The following PAPOLG variants were observed in gnomAD, a reference collection of about 807,000 sequenced individuals.
PAPOLG encodes poly(A) polymerase gamma, also known as PAP-gamma.
Under a neutral mutation model 99.0 loss-of-function variants are expected in PAPOLG, and 40 were observed. The observed-to-expected ratio is 0.40, with a 90% CI of 0.31 to 0.53. PAPOLG has a LOEUF of 0.53. Among genes scored for constraint, PAPOLG ranks in the 20% least tolerant of loss-of-function variants. The pLI, the probability that PAPOLG is intolerant of heterozygous loss-of-function variation, is 0.41. For synonymous variants in PAPOLG, 310 were observed against 299.3 expected, an observed-to-expected ratio of 1.04 and a Z score of -0.37; for missense variants, 675 against 884.1, an observed-to-expected ratio of 0.76 and a Z score of 3.00.
At chr2:60,771,710 T>G in intron 7 of PAPOLG, 80 bp downstream of exon 7, 1 of 1,460,854 alleles carries the variant, frequency 6.8e-7, no homozygotes, top group Non-Finnish European at 9.3e-7. Context: ...AATTGACTAT[T>G]CAGTTTTGGA....
At position 60,786,552 on chromosome 2, in the gene PAPOLG, G is replaced by A. The variant is rs190660242; in HGVS notation, c.1167-395G>A. Among the ~76,000 whole-genome samples the A allele has an allele frequency of 1.7e-4, 25 of 149,062 alleles. No individual in the cohort carries two copies. In the East Asian group the frequency reaches 2.6e-3, roughly 15 times the overall value. ...GGCCTGAAATTTTTTTTTTTGAGAC[G>A]GAGTCTTGCTCTGTTGCCCAGGCTG... On this transcript the variant is annotated intron_variant, in intron 13 of 21. Coordinates refer to ENST00000238714, the MANE Select transcript of PAPOLG (RefSeq NM_022894.4).
At chr2:60,791,202 T>A (rs1299149009) in intron 15 of PAPOLG, among the ~76,000 whole-genome samples, 1 of 152,244 alleles carries the variant, frequency 6.6e-6, no homozygotes. Context: ...AATATATTTA[T>A]TCTATCAACA....
At position 60,787,595 on chromosome 2, in the gene PAPOLG, T is replaced by C. The variant is rs1671403689; in HGVS notation, c.1371T>C (p.Tyr457=). Residue 457 remains tyrosine, a synonymous_variant, in exon 15 of 22, where the codon TAT becomes TAC. Transcript: ENST00000238714. ...AAAGTGTCAACATAGACTTGACATA[T>C]GATATACAGTCATTTACTGATACAG... is the stretch of plus-strand genomic sequence containing the variant. ...NAESVNIDLT[Y]DIQSFTDTVY... is the part of the protein sequence containing the mutation. 11 of 1,613,822 alleles carry C rather than the reference T, an allele frequency of 6.8e-6. No individual in the cohort carries two copies. Among genetic ancestry groups the C allele is most frequent in the Middle Eastern group, 1.6e-4 (1 of 6,084 alleles).
At chr2:60,793,391 C>G (rs1433495419) in intron 17 of PAPOLG, among the ~76,000 whole-genome samples, 1 of 151,420 alleles carries the variant, frequency 6.6e-6, no homozygotes, top group Non-Finnish European at 1.5e-5. Flanking sequence ...GATCCTGTCT[C>G]CACAAAAATA....
Position 60,794,104 on chromosome 2 carries a change from G to A in PAPOLG, c.1902G>A (p.Met634Ile), listed in dbSNP as rs774155438. Residue 634 changes from methionine (M) to isoleucine (I), a missense_variant, in exon 19 of 22, where the codon ATG becomes ATA. Met to Ile is a conservative substitution (Grantham distance 10). This residue lies in a region of PAPOLG where 413 missense variants were observed against 460.5 expected (regional missense o/e 0.90). Transcript: ENST00000238714. ...AGGGACAACCGCATCTGAATGGAAT[G>A]TCAAATATAACTAAGACTGTTACAC... ...PAQGQPHLNGMSNITKTVTPK... is the reference protein window; with the variant it reads ...PAQGQPHLNGISNITKTVTPK... 1.2e-5 allele frequency: 19 copies of A among 1,614,088 alleles called. No individual in the cohort carries two copies. In the South Asian group the frequency reaches 1.9e-4, roughly 16 times the overall value.
rs1349665908 is a variant in PAPOLG at position 60,783,325 on chromosome 2, T to TC, written c.1166+116_1166+117insC. 32 of 84,756 alleles carry TC rather than the reference T, an allele frequency of 3.8e-4. No homozygotes were observed. The South Asian group carries it at 6.2e-3, about 16-fold the overall frequency. The allele number at this position is 84,756 out of a possible 1,614,324, so 5.3% of individuals were successfully genotyped here. A position where few individuals can be genotyped will look rare whatever the true frequency, so the allele number is the denominator to read the frequency against. ...TTGATTTTCAAAATTATTATATCTC[T>TC]TTTTTTTTTTTTTTTTTTTGAGACA... On this transcript the variant is annotated intron_variant, in intron 13 of 21. Transcript: ENST00000238714.
intron 13 of PAPOLG, among the ~76,000 whole-genome samples, chr2:60,784,568 G>T (rs1424099962): frequency 2.0e-5 from 3 of 152,084 alleles, no homozygotes; most frequent in East Asian, 3.9e-4. Context: ...CAGCAATACT[G>T]TTTTATTTTT....
Position 60,797,902 on chromosome 2 carries a change from A to G in PAPOLG, c.*742A>G, listed in dbSNP as rs1243354096. The G allele has an allele frequency of 6.5e-6, 1 of 152,782 alleles. No individual in the cohort carries two copies. Among genetic ancestry groups the G allele is most frequent in the African/African-American group, 2.4e-5 (1 of 41,456 alleles). 9.5% of individuals were successfully genotyped at this position (152,782 alleles called of 1,614,324 possible). Reference sequence around the variant, plus strand: ...AGGCCTTTGAAATGCATCTTTATTAAAAATCAAAATATAACCAGGATACTG... The same window carrying G: ...AGGCCTTTGAAATGCATCTTTATTAGAAATCAAAATATAACCAGGATACTG... On this transcript the variant is annotated 3_prime_UTR_variant, in exon 22 of 22. Coordinates refer to ENST00000238714, the MANE Select transcript of PAPOLG (RefSeq NM_022894.4).
chr2:60,797,357 C>T lies in PAPOLG; in HGVS notation c.*197C>T, dbSNP rs2103834366. On this transcript the variant is annotated 3_prime_UTR_variant, in exon 22 of 22. Coordinates refer to ENST00000238714, the MANE Select transcript of PAPOLG (RefSeq NM_022894.4). ...TGTAGCATTCTCTCACTGATTGCTA[C>T]ATACACTTCTCTGAGGATCACCTGC... 4.9e-6 allele frequency: 3 copies of T among 617,442 alleles called. No individual in the cohort carries two copies. Among genetic ancestry groups the T allele is most frequent in the Non-Finnish European group, 8.4e-6 (3 of 357,402 alleles). 38.2% of individuals were successfully genotyped at this position (617,442 alleles called of 1,614,324 possible). A position where few individuals can be genotyped will look rare whatever the true frequency, so the allele number is the denominator to read the frequency against.
intron 12 of PAPOLG, 46 bp downstream of exon 12, chr2:60,782,816 T>A (rs780107788): frequency 1.1e-5 from 15 of 1,425,612 alleles, no homozygotes; most frequent in Middle Eastern, 1.9e-4. Context: ...TTTTTTTTTT[T>A]AAAGAAGAAT....
intron 3 of PAPOLG, among the ~76,000 whole-genome samples, chr2:60,764,470 G>GC (rs1305365500): frequency 2.0e-5 from 3 of 149,318 alleles, no homozygotes; most frequent in African/African-American, 7.4e-5. Flanking sequence ...GGGCTGGAAT[G>GC]CAGTGGCGCG....
chr2:60,799,309 T>G lies in PAPOLG; in HGVS notation c.*2149T>G, dbSNP rs1433281655. The G allele has an allele frequency of 2.0e-5, 3 of 152,378 alleles. No individual in the cohort carries two copies. The highest frequency in any genetic ancestry group is 7.2e-5 in the African/African-American group (3 of 41,454). The allele number at this position is 152,378 out of a possible 1,614,324, so 9.4% of individuals were successfully genotyped here. Reference sequence around the variant, plus strand: ...GGAAGCAACAAGTCTAACCTTGTACTATAGGATAGGCATTTATTTTAGATT... The same window carrying G: ...GGAAGCAACAAGTCTAACCTTGTACGATAGGATAGGCATTTATTTTAGATT... On this transcript the variant is annotated 3_prime_UTR_variant, in exon 22 of 22. Coordinates refer to ENST00000238714, the MANE Select transcript of PAPOLG (RefSeq NM_022894.4).
Position 60,760,263 on chromosome 2 carries a change from A to G in PAPOLG, c.147A>G (p.Gly49=). ...TAATTGACGCCATGAAACCATTTGG[A>G]GTGTTTGAAGATGAGGAAGAATTGA... is the stretch of plus-strand genomic sequence containing the variant. ...QKLIDAMKPF[G]VFEDEEELNH... The change falls in exon 2 of 22, where the codon GGA becomes GGG. Residue 49 remains glycine, a synonymous_variant. Transcript: ENST00000238714. 6.2e-7 allele frequency: 1 copy of G among 1,613,962 alleles called. No homozygotes were observed. Among genetic ancestry groups the G allele is most frequent in the Non-Finnish European group, 8.5e-7 (1 of 1,179,916 alleles).
chr2:60,768,393 T>C (rs1214322307), intron 3 of PAPOLG, 77 bp from the exon 4 acceptor site: 9 of 1,463,910 alleles, frequency 6.1e-6, no homozygotes, highest in Non-Finnish European at 8.5e-6. Context: ...TGAGCCACCA[T>C]GCCCAGCCAA....
At chr2:60,780,817 A>C in intron 10 of PAPOLG, 38 bp downstream of exon 10, 1 of 1,498,214 alleles carries the variant, frequency 6.7e-7, no homozygotes, top group Non-Finnish European at 9.3e-7. Flanking sequence ...AAAGCTTTTA[A>C]GGAAGAGGAC....
intron 13 of PAPOLG, among the ~76,000 whole-genome samples, chr2:60,783,652 A>G (rs1274890555): frequency 1.3e-5 from 2 of 151,142 alleles, no homozygotes; most frequent in Non-Finnish European, 2.9e-5. Context: ...CTGGGACTAC[A>G]GGTGTGCACT....
Position 60,781,975 on chromosome 2 carries a change from C to T in PAPOLG, c.997C>T (p.Arg333Ter). The T allele has an allele frequency of 1.2e-6, 2 of 1,613,836 alleles. No homozygotes were observed. Among genetic ancestry groups the T allele is most frequent in the Non-Finnish European group, 1.7e-6 (2 of 1,179,802 alleles). Residue 333 changes from arginine to a stop codon, truncating the protein, a stop_gained, in exon 11 of 22, where the codon CGA becomes TGA. Transcript: ENST00000238714. LOFTEE classifies it high-confidence loss of function. ...TACGTATAATGTGTCCACATCAACT[C>T]GAACAGTAATGGTAGAAGAATTTAA... The part of the protein sequence containing the change: ...NSTYNVSTST[R>*]TVMVEEFKQG...
chr2:60,779,921 C>A, intron 9 of PAPOLG, 146 bp downstream of exon 9: 1 of 681,428 alleles, frequency 1.5e-6, no homozygotes, highest in Non-Finnish European at 2.3e-6. Flanking sequence ...AACTTTGAGG[C>A]AATGGTGGGA....
At chr2:60,787,969 G>T (rs1406949643) in intron 15 of PAPOLG, among the ~76,000 whole-genome samples, 1 of 151,894 alleles carries the variant, frequency 6.6e-6, no homozygotes, top group East Asian at 1.9e-4. Flanking sequence ...TTGAACCTGG[G>T]AGGAGGAGGT....
Sources: allele counts gnomAD v4.1 joint callset (sites outside exome capture counted in the v4.1 genomes callset), GRCh38; gene constraint gnomAD v4.1.1; regional missense constraint gnomAD v4.1.1; transcripts MANE v1.5; gene names NCBI Gene and HGNC (gene_info 2026-07-23, HGNC 2026-07-21).